The following BNC2 variants were observed in gnomAD, a reference collection of about 807,000 sequenced individuals.
BNC2 encodes basonuclin zinc finger protein 2, also known as zinc finger protein basonuclin-2.
A neutral mutation model predicts 76.3 loss-of-function variants in BNC2; 20 were observed. That is an observed-to-expected ratio of 0.26 (90% CI 0.18 to 0.38). The LOEUF is 0.38. BNC2 is among the 10% of genes least tolerant of loss of function. The pLI, the probability that BNC2 is intolerant of heterozygous loss-of-function variation, is 1.00. For synonymous variants in BNC2, 582 were observed against 514.8 expected, an observed-to-expected ratio of 1.13 and a Z score of -1.77; for missense variants, 1,382 against 1,399.8, an observed-to-expected ratio of 0.99 and a Z score of 0.20.
chr9:16,631,665 C>T (rs896079951), intron 3 of BNC2, among the ~76,000 whole-genome samples: 5 of 152,270 alleles, frequency 3.3e-5, no homozygotes, highest in Admixed American at 6.5e-5. Context: ...GGCCTACCAT[C>T]GTGTCCAATG....
chr9:16,413,792 T>C lies in BNC2; in HGVS notation c.*5197A>G, dbSNP rs1820525643. ...CTCTGAGGGAAAATGTGAAGAGAAG[T>C]TACTTACATACCTCATAGAACAGTA... On this transcript the variant is annotated 3_prime_UTR_variant, in exon 7 of 7. Transcript: ENST00000380672. 6.6e-6 allele frequency: 1 copy of C among 152,140 alleles called. No homozygotes were observed. Among genetic ancestry groups the C allele is most frequent in the Admixed American group, 6.5e-5 (1 of 15,280 alleles). 9.4% of individuals were successfully genotyped at this position (152,140 alleles called of 1,614,324 possible).
At chr9:16,729,691 G>C (rs1004557187) in intron 2 of BNC2, among the ~76,000 whole-genome samples, 3 of 152,050 alleles carry the variant, frequency 2.0e-5, no homozygotes, top group South Asian at 2.1e-4. Flanking sequence ...ATTCTTGCTG[G>C]GGGGGAGGGC....
intron 1 of BNC2, among the ~76,000 whole-genome samples, chr9:16,771,311 T>C (rs1019657581): frequency 3.3e-5 from 5 of 152,216 alleles, no homozygotes; most frequent in Admixed American, 6.5e-5. Context: ...CAACCCTCTA[T>C]ACTTAAAACA....
At chr9:16,501,855 CCCACAGAAAA>C (rs1459521977) in intron 5 of BNC2, among the ~76,000 whole-genome samples, 3 of 152,098 alleles carry the variant, frequency 2.0e-5, no homozygotes, top group African/African-American at 7.2e-5. Context: ...AGGTAAGACA[CCCACAGAAAA>C]CTACAGCCTC....
At chr9:16,481,429 C>G (rs1371890816) in intron 5 of BNC2, among the ~76,000 whole-genome samples, 4 of 152,114 alleles carry the variant, frequency 2.6e-5, no homozygotes, top group Non-Finnish European at 5.9e-5. Context: ...ACACTCACCA[C>G]GAAGGTCTGC....
chr9:16,445,669 A>G (rs1188687066), intron 5 of BNC2, among the ~76,000 whole-genome samples: 1 of 152,152 alleles, frequency 6.6e-6, no homozygotes, highest in Non-Finnish European at 1.5e-5. Context: ...CATGAGTGAG[A>G]GTCTTCAGGG....
chr9:16,822,452 A>G (rs1364866292), intron 1 of BNC2, among the ~76,000 whole-genome samples: 1 of 152,182 alleles, frequency 6.6e-6, no homozygotes, highest in Non-Finnish European at 1.5e-5. Flanking sequence ...TTAAACTCTC[A>G]GTGGTATTTA....
At chr9:16,715,355 CT>C (rs1361160011) in intron 3 of BNC2, among the ~76,000 whole-genome samples, 2 of 152,140 alleles carry the variant, frequency 1.3e-5, no homozygotes, top group African/African-American at 2.4e-5. Flanking sequence ...ATTTACTAAA[CT>C]TTTTTTCTAA....
At chr9:16,600,014 C>T (rs1820202076) in intron 3 of BNC2, among the ~76,000 whole-genome samples, 1 of 152,162 alleles carries the variant, frequency 6.6e-6, no homozygotes, top group Admixed American at 6.5e-5. Context: ...TACTGTATCA[C>T]TCACTCATAT....
intron 3 of BNC2, among the ~76,000 whole-genome samples, chr9:16,684,975 A>G (rs138676373): frequency 6.6e-6 from 1 of 152,336 alleles, no homozygotes; most frequent in African/African-American, 2.4e-5. Flanking sequence ...GCATGAAGAC[A>G]GAAGATATTT....
At chr9:16,438,882 T>G (rs1821073064) in intron 5 of BNC2, among the ~76,000 whole-genome samples, 2 of 152,256 alleles carry the variant, frequency 1.3e-5, no homozygotes, top group South Asian at 4.2e-4. Context: ...TTTTGTGGCA[T>G]TCTTCTAATG....
chr9:16,420,161 T>C (rs1437963761), intron 6 of BNC2, among the ~76,000 whole-genome samples: 1 of 152,102 alleles, frequency 6.6e-6, no homozygotes, highest in Non-Finnish European at 1.5e-5. Flanking sequence ...AAAAGTAGCC[T>C]AGATAATTTA....
chr9:16,638,148 C>T (rs929317226), intron 3 of BNC2, among the ~76,000 whole-genome samples: 9 of 152,298 alleles, frequency 5.9e-5, no homozygotes, highest in African/African-American at 1.9e-4. Flanking sequence ...CAAGCTTTCT[C>T]GTGATATTTC....
At chr9:16,791,210 C>T (rs566056232) in intron 1 of BNC2, among the ~76,000 whole-genome samples, 1 of 152,100 alleles carries the variant, frequency 6.6e-6, no homozygotes, top group Non-Finnish European at 1.5e-5. Flanking sequence ...TACAGGCACC[C>T]GCCACCATGC....
At chr9:16,858,723 G>A (rs1333608465) in intron 1 of BNC2, among the ~76,000 whole-genome samples, 1 of 131,852 alleles carries the variant, frequency 7.6e-6, no homozygotes, top group Non-Finnish European at 1.9e-5. Context: ...GCGGGTGCCT[G>A]TAGTCCCAGC....
In BNC2 at chr9:16,436,485, G is replaced by C; in HGVS notation, c.1709C>G (p.Pro570Arg). The C allele has an allele frequency of 6.2e-7, 1 of 1,614,134 alleles. No individual in the cohort carries two copies. Among genetic ancestry groups the C allele is most frequent in the Non-Finnish European group, 8.5e-7 (1 of 1,180,040 alleles). The stretch of plus-strand genomic sequence containing the variant: ...AGTGAGTAAACTTCTATAAAATGGA[G>C]GAACTGGTTGTACAGTCTTTAGCCC... ...FSGLKTVQPV[P>R]PFYRSLLTPG... is the part of the protein sequence containing the mutation. The change falls in exon 6 of 7, where the codon CCT becomes CGT. Residue 570 changes from proline (P) to arginine (R), a missense_variant. Around this residue, in one of 3 missense-constraint regions of BNC2, gnomAD observed 798 missense variants for 775.5 expected, o/e 1.03. Transcript: ENST00000380672.
At chr9:16,575,500 TA>T (rs1819458268) in intron 4 of BNC2, 2 of 933,036 alleles carry the variant, frequency 2.1e-6, no homozygotes, top group African/African-American at 3.6e-5. Flanking sequence ...AAAGAAAATT[TA>T]AGGAGTGCAA....
rs540469830 is a variant in BNC2 at position 16,415,194 on chromosome 9, T to C, written c.*3795A>G. On this transcript the variant is annotated 3_prime_UTR_variant, in exon 7 of 7. Transcript: ENST00000380672. Reference sequence around the variant, plus strand: ...GTTACATTGGGTTGACTTATTTAAATACAATTAATATCAGAACAAAGAATG... The same window carrying C: ...GTTACATTGGGTTGACTTATTTAAACACAATTAATATCAGAACAAAGAATG... 6.6e-6 allele frequency: 1 copy of C among 152,362 alleles called. No homozygotes were observed. The highest frequency in any genetic ancestry group is 2.4e-5 in the African/African-American group (1 of 41,464). 9.4% of individuals were successfully genotyped at this position (152,362 alleles called of 1,614,324 possible).
chr9:16,441,573 C>G (rs866292676), intron 5 of BNC2, among the ~76,000 whole-genome samples: 15 of 152,136 alleles, frequency 9.9e-5, no homozygotes, highest in African/African-American at 2.7e-4. Flanking sequence ...TTCTGAATCA[C>G]TAGTTTAAGA....
Sources: gnomAD v4.1 joint callset for allele counts (sites outside exome capture counted in the v4.1 genomes callset) on GRCh38, gnomAD v4.1.1 for gene constraint, gnomAD v4.1.1 regional missense constraint, MANE v1.5 for transcripts, NCBI Gene and HGNC (gene_info 2026-07-23, HGNC 2026-07-21) for gene names.